The following KIAA0930 variants were observed in gnomAD, a reference collection of about 807,000 sequenced individuals.
KIAA0930 encodes the protein KIAA0930.
A neutral mutation model predicts 43.9 loss-of-function variants in KIAA0930; 24 were observed. The observed-to-expected ratio is 0.55, with a 90% CI of 0.40 to 0.77. The LOEUF is 0.77. Among genes scored for constraint, KIAA0930 ranks in the 30% least tolerant of loss-of-function variants. The pLI, the probability that KIAA0930 is intolerant of heterozygous loss-of-function variation, is 0.00. For missense variants in KIAA0930, 461 were observed against 574.2 expected (o/e 0.80, Z 2.02); for synonymous variants, 259 against 216.4 (o/e 1.20, Z -1.73).
rs867335768 is a variant in KIAA0930 at position 45,239,474 on chromosome 22, T to G, written c.64+1166A>C. On this transcript the variant is annotated intron_variant, in intron 1 of 9. Coordinates refer to ENST00000336156, the MANE Select transcript of KIAA0930 (RefSeq NM_001009880.2). ...ACCCCTGCATGAGGAAAGGCTCGCC[T>G]GGGCAGGCTAGGCTGGGGCCTGCTC... Among the ~76,000 whole-genome samples, 10 of 152,282 alleles carry G rather than the reference T, an allele frequency of 6.6e-5. 1 individual carries two copies. Among genetic ancestry groups the G allele is most frequent in the Middle Eastern group, 3.4e-3 (1 of 294 alleles).
intron 1 of KIAA0930, among the ~76,000 whole-genome samples, chr22:45,230,821 C>A (rs1217440370): frequency 1.3e-5 from 2 of 151,646 alleles, no homozygotes; most frequent in African/African-American, 4.8e-5. Flanking sequence ...ACCTTGTGAT[C>A]CACCCACCTT....
Position 45,194,576 on chromosome 22 carries a change from A to G in KIAA0930, c.*2600T>C, listed in dbSNP as rs1273113349. The stretch of plus-strand genomic sequence containing the variant: ...TCTTACAAGAAGTACAAATGTGCCA[A>G]CACCAGGACTTTGGGGACCCTGGTT... On this transcript the variant is annotated 3_prime_UTR_variant, in exon 10 of 10. Transcript: ENST00000336156. 6.6e-6 allele frequency: 1 copy of G among 152,226 alleles called. No individual in the cohort carries two copies. Among genetic ancestry groups the G allele is most frequent in the Middle Eastern group, 3.2e-3 (1 of 316 alleles). The allele number at this position is 152,226 out of a possible 1,614,324, so 9.4% of individuals were successfully genotyped here.
At chr22:45,211,369 T>C (rs1306560428) in intron 2 of KIAA0930, 2 of 398,710 alleles carry the variant, frequency 5.0e-6, no homozygotes, top group Non-Finnish European at 8.8e-6. Flanking sequence ...CCTCCCACAC[T>C]GCGATTTAGT....
At chr22:45,200,259 C>T (rs1852389952) in intron 7 of KIAA0930, 1 of 452,452 alleles carries the variant, frequency 2.2e-6, no homozygotes, top group Non-Finnish European at 3.8e-6. Flanking sequence ...ACCAGTGCTA[C>T]CCGAGGAGGG....
chr22:45,211,413 C>T (rs1054828386), intron 2 of KIAA0930: 11 of 399,402 alleles, frequency 2.8e-5, no homozygotes, highest in South Asian at 1.3e-4. Flanking sequence ...ACTTCATCTC[C>T]GAGCCCTCCG....
chr22:45,226,295 C>T (rs776313580), intron 1 of KIAA0930: 3 of 471,142 alleles, frequency 6.4e-6, no homozygotes, highest in South Asian at 4.6e-5. Context: ...AAACCGAGAC[C>T]TTCAAGTCCG....
chr22:45,228,743 T>A (rs73890254), intron 1 of KIAA0930, among the ~76,000 whole-genome samples: 790 of 10,968 alleles, frequency 0.072, 23 homozygotes, highest in Middle Eastern at 0.091. Flanking sequence ...TCCACCCCCC[T>A]ACCACCACTC....
chr22:45,209,244 G>T (rs1432631156), intron 2 of KIAA0930, among the ~76,000 whole-genome samples: 2 of 152,168 alleles, frequency 1.3e-5, no homozygotes, highest in Non-Finnish European at 2.9e-5. Context: ...AAGTAGCCAG[G>T]CTCCCGCAGA....
chr22:45,211,738 G>C (rs554448532), intron 2 of KIAA0930, among the ~76,000 whole-genome samples: 10 of 152,352 alleles, frequency 6.6e-5, no homozygotes, highest in Non-Finnish European at 1.0e-4. Context: ...CAGGGTCACA[G>C]TGAAGATGAA....
At chr22:45,219,134 T>G (rs2083751866) in intron 1 of KIAA0930, among the ~76,000 whole-genome samples, 1 of 152,190 alleles carries the variant, frequency 6.6e-6, no homozygotes, top group African/African-American at 2.4e-5. Context: ...AGAGCAGACT[T>G]GATTCCCATT....
At chr22:45,222,861 T>C (rs738178) in intron 1 of KIAA0930, among the ~76,000 whole-genome samples, 11,847 of 152,150 alleles carry the variant, frequency 0.078, 691 homozygotes, top group East Asian at 0.2. Context: ...ATTAGAGAAA[T>C]GTAAATTAAA....
intron 1 of KIAA0930, among the ~76,000 whole-genome samples, chr22:45,223,740 GTCAGCACTGAGACAGCACCCAGGA>G (rs1435894416): frequency 2.7e-5 from 4 of 148,160 alleles, no homozygotes; most frequent in African/African-American, 7.8e-5. Context: ...AGCACCCAGG[GTCAGCACTGAGACAGCACCCAGGA>G]TCAGCACCAG....
At chr22:45,227,496 C>T (rs954551982) in intron 1 of KIAA0930, among the ~76,000 whole-genome samples, 5 of 152,194 alleles carry the variant, frequency 3.3e-5, no homozygotes, top group Non-Finnish European at 5.9e-5. Flanking sequence ...AAGGGAAGCG[C>T]CAGCCTCGAA....
chr22:45,240,505 C>G lies in KIAA0930; in HGVS notation c.64+135G>C, dbSNP rs1325778638. ...GGGGGCCATGGAGGAAGACAGGGTA[C>G]CCAGGCAGACCCAGAGACCACGACA... On this transcript the variant is annotated intron_variant, in intron 1 of 9. Transcript: ENST00000336156. 3 of 553,150 alleles carry G rather than the reference C, an allele frequency of 5.4e-6. No individual in the cohort carries two copies. The East Asian group carries it at 1.1e-4, about 21-fold the overall frequency. 34.3% of individuals were successfully genotyped at this position (553,150 alleles called of 1,614,324 possible).
chr22:45,219,329 T>C (rs925999782), intron 1 of KIAA0930, among the ~76,000 whole-genome samples: 2 of 152,188 alleles, frequency 1.3e-5, no homozygotes, highest in African/African-American at 4.8e-5. Flanking sequence ...GTTACTATGA[T>C]AACTTGGAAC....
In KIAA0930 at chr22:45,213,313, T is replaced by C. The variant is rs1378065674; in HGVS notation, c.65-1206A>G. ...CCTCAGCCCTCTGCCCAACAGTGTG[T>C]TGCTCACCCACTCCCATGCCCTGCC... On this transcript the variant is annotated intron_variant, in intron 1 of 9. Transcript: ENST00000336156. 3 of 1,303,334 alleles carry C rather than the reference T, an allele frequency of 2.3e-6. No homozygotes were observed. In the Admixed American group the frequency reaches 6.9e-5, roughly 30 times the overall value. The allele number at this position is 1,303,334 out of a possible 1,614,324, so 80.7% of individuals were successfully genotyped here.
rs773175119 is a variant in KIAA0930, at chr22:45,203,112, G to A, written c.730C>T (p.Arg244Cys). ...FYKYSNMEFVRMKGPQGKGHA... is the reference protein window; with the variant it reads ...FYKYSNMEFVCMKGPQGKGHA... ...CCCTTGCCCTGGGGGCCCTTCATGC[G>A]CACAAACTCCATGTTGCTGTACTTG... Residue 244 changes from arginine to cysteine, a missense_variant, in exon 7 of 10, where the codon CGC becomes TGC. By Grantham distance (180) the Arg-to-Cys change is radical. Transcript: ENST00000336156. 1.2e-5 allele frequency: 20 copies of A among 1,613,596 alleles called. No individual in the cohort carries two copies. Among genetic ancestry groups the A allele is most frequent in the East Asian group, 2.2e-5 (1 of 44,880 alleles).
chr22:45,205,979 C>T, intron 2 of KIAA0930, 67 bp from the exon 3 acceptor site: 2 of 1,588,182 alleles, frequency 1.3e-6, no homozygotes, highest in African/African-American at 1.3e-5. Flanking sequence ...TCCCTGACTA[C>T]TATGCAGGCA....
chr22:45,216,587 CTCTT>C (rs1458560696), intron 1 of KIAA0930, among the ~76,000 whole-genome samples: 1 of 152,176 alleles, frequency 6.6e-6, no homozygotes, highest in Non-Finnish European at 1.5e-5. Context: ...TCACTGCTGA[CTCTT>C]TCTCCCACAA....
Sources: gnomAD v4.1 joint callset for allele counts (sites outside exome capture counted in the v4.1 genomes callset) on GRCh38, gnomAD v4.1.1 for gene constraint, MANE v1.5 for transcripts, NCBI Gene and HGNC (gene_info 2026-07-23, HGNC 2026-07-21) for gene names.